Variants in NACC2 observed in about 807,000 individuals in gnomAD.
NACC2 encodes nucleus accumbens-associated protein 2.
NACC2 carries 8 observed loss-of-function variants against 25.1 expected under a neutral mutation model. The observed-to-expected ratio is 0.32, with a 90% CI of 0.19 to 0.57. NACC2 has a LOEUF of 0.57. NACC2 is among the 20% of genes least tolerant of loss of function. The probability of loss-of-function intolerance (pLI) is 0.89; values close to 1 mark genes in which losing one functional copy is unlikely to be tolerated. For synonymous variants in NACC2, 435 were observed against 294.7 expected (o/e 1.48, Z -4.88); for missense variants, 644 against 650.2 (o/e 0.99, Z 0.10).
chr9:136,049,516 G>A (rs781653855), intron 2 of NACC2, 120 bp downstream of exon 2: 98 of 613,090 alleles, frequency 1.6e-4, no homozygotes, highest in Non-Finnish European at 2.4e-4. Context: ...CTCCAGGCTT[G>A]GTGGGGGGCT....
At chr9:136,078,931 G>C (rs1455785743) in intron 1 of NACC2, among the ~76,000 whole-genome samples, 1 of 152,266 alleles carries the variant, frequency 6.6e-6, no homozygotes, top group South Asian at 2.1e-4. Flanking sequence ...TCCCCACGGG[G>C]AGCAGATGCC....
intron 2 of NACC2, among the ~76,000 whole-genome samples, chr9:136,016,937 G>C (rs1429004685): frequency 6.6e-6 from 1 of 152,206 alleles, no homozygotes; most frequent in East Asian, 1.9e-4. Context: ...AGGGGTGACA[G>C]GTACTGTGGC....
chr9:136,013,784 C>T lies in NACC2; in HGVS notation c.1157+80G>A, dbSNP rs562882468. 2.5e-4 allele frequency: 321 copies of T among 1,284,052 alleles called. 1 individual carries two copies. The African/African-American group carries it at 3.9e-3, about 16-fold the overall frequency. The allele number at this position is 1,284,052 out of a possible 1,614,324, so 79.5% of individuals were successfully genotyped here. On this transcript the variant is annotated intron_variant, in intron 4 of 5. Transcript: ENST00000277554. The surrounding 1 kb of genome is among the most constrained non-coding windows in gnomAD (Gnocchi z 6.6). The stretch of plus-strand genomic sequence containing the variant: ...GGGCTTTCAATGCCACAACCCTGGA[C>T]GATCAGACAGCTCATAGCTAAAGGA...
intron 2 of NACC2, among the ~76,000 whole-genome samples, chr9:136,047,579 C>T (rs1028952061): frequency 1.2e-4 from 19 of 152,214 alleles, no homozygotes; most frequent in African/African-American, 4.6e-4. Context: ...TGGACAAAGC[C>T]CTGCAGGAAC....
At chr9:136,077,712 G>A (rs746773427) in intron 1 of NACC2, among the ~76,000 whole-genome samples, 3 of 152,158 alleles carry the variant, frequency 2.0e-5, no homozygotes, top group Non-Finnish European at 4.4e-5. Flanking sequence ...AAATGCGAGG[G>A]GACCCCAAGG....
chr9:136,088,063 T>A (rs991550871), intron 1 of NACC2, among the ~76,000 whole-genome samples: 18 of 152,128 alleles, frequency 1.2e-4, no homozygotes, highest in Admixed American at 5.2e-4. Context: ...CCAGTGGCTG[T>A]CATCTCATGC....
chr9:136,086,365 C>A lies in NACC2; in HGVS notation c.-60+8824G>T, dbSNP rs1436827387. Among the ~76,000 whole-genome samples the A allele has an allele frequency of 6.6e-6, 1 of 152,174 alleles. No individual in the cohort carries two copies. The highest frequency in any genetic ancestry group is 6.5e-5 in the Admixed American group (1 of 15,276). On this transcript the variant is annotated intron_variant, in intron 1 of 5. Transcript: ENST00000277554. The surrounding 1 kb of genome is among the most constrained non-coding windows in gnomAD (Gnocchi z 5.6). ...CTCTGTTTTCCTGCATCATCAGGAG[C>A]CTGGTGAGGCCTAGGGCTGAGCCCT...
intron 2 of NACC2, among the ~76,000 whole-genome samples, chr9:136,028,765 C>T (rs1430179912): frequency 6.6e-6 from 1 of 152,220 alleles, no homozygotes; most frequent in African/African-American, 2.4e-5. Flanking sequence ...CCTGCCTGCA[C>T]AGGCTCAGAA....
chr9:136,024,221 A>G (rs1436244531), intron 2 of NACC2, among the ~76,000 whole-genome samples: 4 of 18,670 alleles, frequency 2.1e-4, no homozygotes, highest in Admixed American at 6.2e-4. Flanking sequence ...TGTGTGTGTG[A>G]GGACAGAGGG....
At chr9:136,076,926 A>T (rs983454551) in intron 1 of NACC2, among the ~76,000 whole-genome samples, 1 of 150,790 alleles carries the variant, frequency 6.6e-6, no homozygotes, top group Non-Finnish European at 1.5e-5. Context: ...GAATGGCGTG[A>T]ACCCAGGAGG....
chr9:136,083,678 C>A (rs985894104), intron 1 of NACC2, among the ~76,000 whole-genome samples: 1 of 152,262 alleles, frequency 6.6e-6, no homozygotes, highest in Non-Finnish European at 1.5e-5. Flanking sequence ...GCTGCGGAGG[C>A]AGGCGGGGGC....
intron 2 of NACC2, among the ~76,000 whole-genome samples, chr9:136,038,037 C>A (rs569417119): frequency 6.6e-6 from 1 of 152,254 alleles, no homozygotes; most frequent in African/African-American, 2.4e-5. Flanking sequence ...AATGCTAATA[C>A]AACATGAATG....
Position 136,007,403 on chromosome 9 carries a change from A to G in NACC2, c.*4113T>C, listed in dbSNP as rs1332342271. On this transcript the variant is annotated 3_prime_UTR_variant, in exon 6 of 6. Transcript: ENST00000277554. ...CACAGACACGCGTGCAGAGACACGC[A>G]CGTGCACACAGACGCGCGTGCACAC... 3 of 72,798 alleles carry G rather than the reference A, an allele frequency of 4.1e-5. No homozygotes were observed. Among genetic ancestry groups the G allele is most frequent in the African/African-American group, 1.2e-4 (3 of 26,046 alleles). 4.5% of individuals were successfully genotyped at this position (72,798 alleles called of 1,614,324 possible).
rs1264334756 is a variant in NACC2, at chr9:136,011,342, A to T, written c.*174T>A. ...CCAGTGGCCTAATTGTTTACAGTAT[A>T]ATGAATGCATTTGTTTCCTTCATCA... On this transcript the variant is annotated 3_prime_UTR_variant, in exon 6 of 6. Coordinates refer to ENST00000277554, the MANE Select transcript of NACC2 (RefSeq NM_144653.5). 1.4e-6 allele frequency: 1 copy of T among 714,148 alleles called. No homozygotes were observed. The highest frequency in any genetic ancestry group is 3.4e-5 in the East Asian group (1 of 29,574). 44.2% of individuals were successfully genotyped at this position (714,148 alleles called of 1,614,324 possible).
intron 1 of NACC2, among the ~76,000 whole-genome samples, chr9:136,087,634 C>A (rs988390375): frequency 7.2e-5 from 11 of 152,202 alleles, no homozygotes; most frequent in African/African-American, 2.7e-4. Context: ...AAGCAGGATA[C>A]GGTACCCCAT....
chr9:136,076,603 A>C (rs1269446649), intron 1 of NACC2, among the ~76,000 whole-genome samples: 1 of 152,194 alleles, frequency 6.6e-6, no homozygotes, highest in Non-Finnish European at 1.5e-5. Context: ...AACGTTCTGC[A>C]AACAGAGGTG....
chr9:136,051,791 C>T (rs1040032687), intron 1 of NACC2, among the ~76,000 whole-genome samples: 36 of 152,238 alleles, frequency 2.4e-4, no homozygotes, highest in Middle Eastern at 3.4e-3. Context: ...ACAGGCTCCC[C>T]GCACGCAGCC....
chr9:136,080,438 G>A (rs555927686), intron 1 of NACC2, among the ~76,000 whole-genome samples: 9 of 152,318 alleles, frequency 5.9e-5, no homozygotes, highest in East Asian at 3.9e-4. Context: ...TGGGCGTGGT[G>A]GCGCACGCCT....
intron 1 of NACC2, among the ~76,000 whole-genome samples, chr9:136,074,803 C>T (rs940685738): frequency 6.6e-5 from 10 of 152,236 alleles, no homozygotes; most frequent in Middle Eastern, 3.4e-3. Flanking sequence ...AGCTCACCTG[C>T]GGGGCTCGGG....
Sources: gnomAD v4.1 joint callset for allele counts (sites outside exome capture counted in the v4.1 genomes callset) on GRCh38, gnomAD v4.1.1 for gene constraint, Gnocchi (gnomAD v3.1) non-coding constraint, MANE v1.5 for transcripts, NCBI Gene and HGNC (gene_info 2026-07-23, HGNC 2026-07-21) for gene names.